The following CSK variants were observed in gnomAD, a reference collection of about 807,000 sequenced individuals.
CSK encodes the protein C-terminal Src kinase, also known as tyrosine-protein kinase CSK.
A neutral mutation model predicts 62.3 loss-of-function variants in CSK; 7 were observed. That is an observed-to-expected ratio of 0.11 (90% CI 0.06 to 0.21). CSK has a LOEUF of 0.21. Ranked by LOEUF, CSK falls within the 10% of genes least tolerant of loss-of-function variation. The pLI, the probability that CSK is intolerant of heterozygous loss-of-function variation, is 1.00. For synonymous variants in CSK, 237 were observed against 246.0 expected (o/e 0.96, Z 0.34); for missense variants, 294 against 613.5 (o/e 0.48, Z 5.50).
chr15:74,794,765 T>C (rs2063679901), intron 1 of CSK, among the ~76,000 whole-genome samples: 1 of 152,100 alleles, frequency 6.6e-6, no homozygotes, highest in Non-Finnish European at 1.5e-5. Flanking sequence ...GGCCTGACTA[T>C]AGAGCCAGGT....
Position 74,798,021 on chromosome 15 carries a change from G to T in CSK, c.-65-212G>T. The T allele has an allele frequency of 2.4e-6, 1 of 413,480 alleles. No individual in the cohort carries two copies. The highest frequency in any genetic ancestry group is 4.4e-6 in the Non-Finnish European group (1 of 228,734). 25.6% of individuals were successfully genotyped at this position (413,480 alleles called of 1,614,324 possible). A position where few individuals can be genotyped will look rare whatever the true frequency, so the allele number is the denominator to read the frequency against. The stretch of plus-strand genomic sequence containing the variant: ...CTGGAAGGCCCCCTGTGGCCTTAGG[G>T]TTGGTGGCTCCCTCTGCCCCTGGGG... On this transcript the variant is annotated intron_variant, in intron 1 of 12. Coordinates refer to ENST00000220003, the MANE Select transcript of CSK (RefSeq NM_004383.3). The surrounding 1 kb of genome is among the most constrained non-coding windows in gnomAD (Gnocchi z 6.6).
At position 74,798,924 on chromosome 15, in the gene CSK, A is replaced by G. The variant is rs1230629617; in HGVS notation, c.228A>G (p.Lys76=). 1 of 1,528,580 alleles carries G rather than the reference A, an allele frequency of 6.5e-7. No individual in the cohort carries two copies. The highest frequency in any genetic ancestry group is 8.8e-7 in the Non-Finnish European group (1 of 1,139,076). The allele number at this position is 1,528,580 out of a possible 1,614,324, so 94.7% of individuals were successfully genotyped here. Residue 76 remains lysine, a synonymous_variant, in exon 4 of 13, where the codon AAA becomes AAG. Transcript: ENST00000220003. The surrounding 1 kb of genome is among the most constrained non-coding windows in gnomAD (Gnocchi z 6.6). ...GGGAGGGCGTGAAGGCGGGTACCAA[A>G]CTCAGCCTCATGCCGTGAGTACCAC... The part of the protein sequence containing the change: ...QKREGVKAGT[K]LSLMPWFHGK...
Position 74,801,001 on chromosome 15 carries a change from T to G in CSK, c.723-11T>G, listed in dbSNP as rs777041226. ...AGCTTCCCCTTTCTGACCACTCTCG[T>G]CCTGCCCCAGGCAACTGCGGCATAG... is the stretch of plus-strand genomic sequence containing the variant. On this transcript the variant is annotated splice_polypyrimidine_tract_variant and intron_variant, in intron 8 of 12. Transcript: ENST00000220003. The G allele has an allele frequency of 6.2e-7, 1 of 1,613,160 alleles. No homozygotes were observed. The highest frequency in any genetic ancestry group is 8.5e-7 in the Non-Finnish European group (1 of 1,179,986).
chr15:74,787,351 T>C (rs1447136382), intron 1 of CSK, among the ~76,000 whole-genome samples: 1 of 151,976 alleles, frequency 6.6e-6, no homozygotes, highest in Non-Finnish European at 1.5e-5. Flanking sequence ...ACTCCACCAG[T>C]TGGGGGGGTG....
At chr15:74,786,623 C>T (rs954018167) in intron 1 of CSK, among the ~76,000 whole-genome samples, 1 of 152,154 alleles carries the variant, frequency 6.6e-6, no homozygotes, top group African/African-American at 2.4e-5. Flanking sequence ...CAGGTGTTCC[C>T]CAGGTCTAAC....
At position 74,800,870 on chromosome 15, in the gene CSK, A is replaced by G; in HGVS notation, c.670A>G (p.Ile224Val). The G allele has an allele frequency of 2.5e-6, 4 of 1,613,374 alleles. No homozygotes were observed. The highest frequency in any genetic ancestry group is 3.4e-6 in the Non-Finnish European group (4 of 1,180,014). ...AGGGAACAAAGTCGCCGTCAAGTGC[A>G]TTAAGAACGACGCCACTGCCCAGGC... ...YRGNKVAVKC[I>V]KNDATAQAFL... The change falls in exon 8 of 13, where the codon ATT becomes GTT. Residue 224 changes from isoleucine to valine, a missense_variant. Coordinates refer to ENST00000220003, the MANE Select transcript of CSK (RefSeq NM_004383.3).
At position 74,798,844 on chromosome 15, in the gene CSK, G is replaced by T; in HGVS notation, c.148G>T (p.Ala50Ser). The T allele has an allele frequency of 6.3e-7, 1 of 1,590,632 alleles. No individual in the cohort carries two copies. The highest frequency in any genetic ancestry group is 1.1e-5 in the South Asian group (1 of 87,882). Reference protein sequence around the residue: ...AVTKDPNWYKAKNKVGREGII... With the variant: ...AVTKDPNWYKSKNKVGREGII... ...TCCCCAGGACCCCAACTGGTACAAA[G>T]CCAAAAACAAGGTGGGCCGTGAGGG... The change falls in exon 4 of 13, where the codon GCC becomes TCC. Residue 50 changes from alanine (A) to serine (S), a missense_variant. Physicochemically the swap from Ala to Ser is moderately conservative, Grantham distance 99. Coordinates refer to ENST00000220003, the MANE Select transcript of CSK (RefSeq NM_004383.3). The surrounding 1 kb of genome is among the most constrained non-coding windows in gnomAD (Gnocchi z 6.6).
rs76411014 is a variant in CSK, at chr15:74,783,314, G to T, written c.-66+594G>T. Among the ~76,000 whole-genome samples the T allele has an allele frequency of 1.4e-3, 211 of 152,350 alleles. 1 individual carries two copies. The highest frequency in any genetic ancestry group is 4.7e-3 in the African/African-American group (194 of 41,566). ...GGCCTTCTGCCCGGGGGGAGGTAACGGAGCATTAGCACCATGCCCCCACCT... is the reference window on the plus strand; with the variant it reads ...GGCCTTCTGCCCGGGGGGAGGTAACTGAGCATTAGCACCATGCCCCCACCT... On this transcript the variant is annotated intron_variant, in intron 1 of 12. Transcript: ENST00000220003.
chr15:74,799,216 G>T, intron 4 of CSK, 56 bp from the exon 5 acceptor site: 1 of 1,538,250 alleles, frequency 6.5e-7, no homozygotes. Flanking sequence ...TTCAGAAAGG[G>T]GAGCCAGGGT....
intron 6 of CSK, 24 bp downstream of exon 6, chr15:74,800,529 T>A: frequency 6.2e-7 from 1 of 1,603,798 alleles, no homozygotes. Context: ...ACCCCAGACC[T>A]CTTGCCCACC....
In CSK at chr15:74,794,897, A is replaced by G. The variant is rs561164104; in HGVS notation, c.-65-3336A>G. On this transcript the variant is annotated intron_variant, in intron 1 of 12. Transcript: ENST00000220003. ...TTGGAGTCAAACCCTGGTTCCTCAC[A>G]TTGGCAGTGGAAGTCCCCCTGCTGC... Among the ~76,000 whole-genome samples, 124 of 152,142 alleles carry G rather than the reference A, an allele frequency of 8.2e-4. 2 individuals carry two copies. The South Asian group carries it at 0.025, about 31-fold the overall frequency.
chr15:74,792,816 G>C (rs1037608065), intron 1 of CSK, among the ~76,000 whole-genome samples: 1 of 152,224 alleles, frequency 6.6e-6, no homozygotes, highest in Admixed American at 6.5e-5. Flanking sequence ...CCAGCACAAG[G>C]GCTACTGGGA....
At chr15:74,799,069 C>A (rs1020690196) in intron 4 of CSK, 131 bp downstream of exon 4, 2 of 991,612 alleles carry the variant, frequency 2.0e-6, no homozygotes, top group South Asian at 3.4e-5. Context: ...GTGCAGGGTG[C>A]GGGTGCGGGA....
intron 1 of CSK, among the ~76,000 whole-genome samples, chr15:74,796,018 G>A (rs372830649): frequency 6.6e-6 from 1 of 152,162 alleles, no homozygotes; most frequent in Non-Finnish European, 1.5e-5. Flanking sequence ...AGGAGTTCAA[G>A]ACCAGCATGG....
intron 1 of CSK, among the ~76,000 whole-genome samples, chr15:74,794,477 T>A (rs2141809178): frequency 6.6e-6 from 1 of 152,172 alleles, no homozygotes; most frequent in Non-Finnish European, 1.5e-5. Context: ...TTCAGGCTCA[T>A]CCTCCTTGGG....
chr15:74,783,272 G>A (rs1452505315), intron 1 of CSK, among the ~76,000 whole-genome samples: 1 of 152,210 alleles, frequency 6.6e-6, no homozygotes, highest in Non-Finnish European at 1.5e-5. Context: ...AGGGATCTTT[G>A]GGTGGGAAAC....
At chr15:74,787,869 C>G (rs895120267) in intron 1 of CSK, among the ~76,000 whole-genome samples, 1 of 152,202 alleles carries the variant, frequency 6.6e-6, no homozygotes, top group Non-Finnish European at 1.5e-5. Context: ...TGCAGACTCG[C>G]GCATCTATCT....
At chr15:74,801,450 G>A in intron 9 of CSK, 72 bp from the exon 10 acceptor site, 1 of 1,478,698 alleles carries the variant, frequency 6.8e-7, no homozygotes. Context: ...CACCCACCCG[G>A]CCCCAGCGTG....
chr15:74,784,773 G>T (rs36102361), intron 1 of CSK, among the ~76,000 whole-genome samples: 2 of 152,158 alleles, frequency 1.3e-5, no homozygotes, highest in Non-Finnish European at 2.9e-5. Context: ...CCCCCCAAAG[G>T]GGGCAGACCC....
Sources: gnomAD v4.1 joint callset for allele counts (sites outside exome capture counted in the v4.1 genomes callset) on GRCh38, gnomAD v4.1.1 for gene constraint, Gnocchi (gnomAD v3.1) non-coding constraint, MANE v1.5 for transcripts, NCBI Gene and HGNC (gene_info 2026-07-23, HGNC 2026-07-21) for gene names.